RBSN: variants seen among roughly 807,000 people sequenced by gnomAD.
RBSN encodes rabenosyn, RAB effector, also known as rabenosyn-5.
In RBSN, 34 loss-of-function variants were observed where a neutral mutation model predicts 60.5. The observed-to-expected ratio is 0.56, with a 90% confidence interval of 0.43 to 0.75. RBSN has a LOEUF of 0.75. RBSN is among the 30% of genes least tolerant of loss of function. The pLI, the probability that RBSN is intolerant of heterozygous loss-of-function variation, is 0.00. For synonymous variants in RBSN, 322 were observed against 366.9 expected, an observed-to-expected ratio of 0.88 and a Z score of 1.40; for missense variants, 845 against 986.8, an observed-to-expected ratio of 0.86 and a Z score of 1.92.
intron 13 of RBSN, chr3:15,075,155 C>T (rs2043022766): frequency 3.3e-6 from 2 of 613,224 alleles, no homozygotes; most frequent in African/African-American, 3.7e-5. Context: ...TAAGTTAGGG[C>T]ATCAGATTTT....
chr3:15,090,306 A>C (rs2043477463), intron 5 of RBSN, 93 bp downstream of exon 5: 1 of 1,388,438 alleles, frequency 7.2e-7, no homozygotes, highest in Admixed American at 2.1e-5. Context: ...ATTATGGTTT[A>C]CTGATGCCTC....
chr3:15,091,910 T>TC (rs2043526763), intron 4 of RBSN, among the ~76,000 whole-genome samples: 1 of 152,224 alleles, frequency 6.6e-6, no homozygotes, highest in Admixed American at 6.5e-5. Context: ...TCTAAGACGC[T>TC]CTCTCATGAA....
chr3:15,087,711 C>T (rs183788553), intron 5 of RBSN, among the ~76,000 whole-genome samples: 1 of 152,126 alleles, frequency 6.6e-6, no homozygotes, highest in East Asian at 1.9e-4. Context: ...ATCTCCACCT[C>T]CCAGGTTCAA....
At position 15,084,673 on chromosome 3, in the gene RBSN, T is replaced by C; in HGVS notation, c.598+62A>G. On this transcript the variant is annotated intron_variant, in intron 8 of 13. Transcript: ENST00000253699. This position sits in a 1 kb window ranked among gnomAD's most constrained non-coding sequence, Gnocchi z 4.2. ...AAGGTTCCACGATCCCAGTGGTAATTAGCAAATAAGCTAGGCCCAAAAGAA... is the reference window on the plus strand; with the variant it reads ...AAGGTTCCACGATCCCAGTGGTAATCAGCAAATAAGCTAGGCCCAAAAGAA... The C allele has an allele frequency of 6.6e-7, 1 of 1,508,708 alleles. No individual in the cohort carries two copies. The highest frequency in any genetic ancestry group is 8.9e-7 in the Non-Finnish European group (1 of 1,127,056). The allele number at this position is 1,508,708 out of a possible 1,614,324, so 93.5% of individuals were successfully genotyped here.
intron 10 of RBSN, among the ~76,000 whole-genome samples, chr3:15,078,787 T>TAC (rs2043127257): frequency 4.6e-5 from 2 of 43,344 alleles, no homozygotes; most frequent in African/African-American, 1.6e-4. Flanking sequence ...TACATATATA[T>TAC]ATATATATAT....
Position 15,082,381 on chromosome 3 carries a change from C to T in RBSN, c.826G>A (p.Val276Met), listed in dbSNP as rs141675556. 5.6e-6 allele frequency: 9 copies of T among 1,612,740 alleles called. No individual in the cohort carries two copies. Among genetic ancestry groups the T allele is most frequent in the Admixed American group, 5.0e-5 (3 of 60,000 alleles). Residue 276 changes from valine (V) to methionine (M), a missense_variant, in exon 9 of 14, where the codon GTG becomes ATG. Coordinates refer to ENST00000253699, the MANE Select transcript of RBSN (RefSeq NM_022340.4). The surrounding 1 kb of genome is among the most constrained non-coding windows in gnomAD (Gnocchi z 4.2). Reference sequence around the variant, plus strand: ...GCGCGAATCACCTCGTAGAGCTTCACGATGTCAGGTGTGTGCTCCTTCTCA... The same window carrying T: ...GCGCGAATCACCTCGTAGAGCTTCATGATGTCAGGTGTGTGCTCCTTCTCA... ...IDEKEHTPDI[V>M]KLYEKLRLCM...
chr3:15,079,081 C>T (rs936757150), intron 10 of RBSN, among the ~76,000 whole-genome samples: 1 of 151,950 alleles, frequency 6.6e-6, no homozygotes, highest in Admixed American at 6.6e-5. Flanking sequence ...GAAAAAGCAA[C>T]GATCTTAAGC....
chr3:15,098,946 CCCA>C (rs1281106898), intron 1 of RBSN, 86 bp downstream of exon 1: 1 of 153,006 alleles, frequency 6.5e-6, no homozygotes, highest in African/African-American at 2.4e-5. Context: ...TCACGTCACA[CCCA>C]CCACAACCAC....
Position 15,077,284 on chromosome 3 carries a change from G to C in RBSN, c.999-120C>G, listed in dbSNP as rs578206233. On this transcript the variant is annotated intron_variant, in intron 11 of 13. Coordinates refer to ENST00000253699, the MANE Select transcript of RBSN (RefSeq NM_022340.4). This position sits in a 1 kb window ranked among gnomAD's most constrained non-coding sequence, Gnocchi z 4.4. Reference sequence around the variant, plus strand: ...CAGGAAGGTGTGTAAAGATGGACAAGTGACTCCATTGAAGTTTCTTTGAAG... The same window carrying C: ...CAGGAAGGTGTGTAAAGATGGACAACTGACTCCATTGAAGTTTCTTTGAAG... 2.4e-6 allele frequency: 2 copies of C among 827,578 alleles called. No individual in the cohort carries two copies. The highest frequency in any genetic ancestry group is 2.1e-5 in the Admixed American group (1 of 47,438). The allele number at this position is 827,578 out of a possible 1,614,324, so 51.3% of individuals were successfully genotyped here.
chr3:15,087,143 TTCA>T (rs1333593322), intron 5 of RBSN, among the ~76,000 whole-genome samples: 1 of 152,236 alleles, frequency 6.6e-6, no homozygotes, highest in Non-Finnish European at 1.5e-5. Context: ...TATGCATTAC[TTCA>T]TATACTTACC....
At chr3:15,097,183 A>G in intron 2 of RBSN, among the ~76,000 whole-genome samples, 1 of 152,134 alleles carries the variant, frequency 6.6e-6, no homozygotes, top group East Asian at 1.9e-4. Context: ...CCATTAAGTG[A>G]CAGTTAAGTA....
chr3:15,090,257 C>A, intron 5 of RBSN, 142 bp downstream of exon 5: 1 of 866,360 alleles, frequency 1.2e-6, no homozygotes, highest in Non-Finnish European at 1.7e-6. Flanking sequence ...CCATTTTCTT[C>A]CCCCAGCAAG....
In RBSN at chr3:15,074,414, G is replaced by C. The variant is rs1289209590; in HGVS notation, c.1723C>G (p.Leu575Val). The C allele has an allele frequency of 6.2e-7, 1 of 1,614,180 alleles. No individual in the cohort carries two copies. The highest frequency in any genetic ancestry group is 8.5e-7 in the Non-Finnish European group (1 of 1,180,034). Residue 575 changes from leucine to valine, a missense_variant, in exon 14 of 14, where the codon CTA becomes GTA. Coordinates refer to ENST00000253699, the MANE Select transcript of RBSN (RefSeq NM_022340.4). This position sits in a 1 kb window ranked among gnomAD's most constrained non-coding sequence, Gnocchi z 6.4. Reference protein sequence around the residue: ...PRTHLAYALDLGSSPVPSSTA... With the variant: ...PRTHLAYALDVGSSPVPSSTA... ...CTGCTTGGAACTGGGGAAGAGCCTA[G>C]ATCCAAAGCATAAGCAAGGTGGGTG...
rs1480825311 is a variant in RBSN, at chr3:15,094,199, T to C, written c.148+1774A>G. On this transcript the variant is annotated intron_variant, in intron 4 of 13. Coordinates refer to ENST00000253699, the MANE Select transcript of RBSN (RefSeq NM_022340.4). ...ATCACCAGGTTGAGCAATGGCATTG[T>C]ATAGGACTTAGTTCAGCTGACACCA... Among the ~76,000 whole-genome samples, 3 of 152,234 alleles carry C rather than the reference T, an allele frequency of 2.0e-5. No homozygotes were observed. The East Asian group carries it at 5.8e-4, about 29-fold the overall frequency.
At chr3:15,083,396 C>A (rs901414275) in intron 8 of RBSN, among the ~76,000 whole-genome samples, 1 of 152,178 alleles carries the variant, frequency 6.6e-6, no homozygotes, top group Non-Finnish European at 1.5e-5. Flanking sequence ...GTCAGCAGAA[C>A]TCTCTAGTGT....
intron 4 of RBSN, among the ~76,000 whole-genome samples, chr3:15,095,024 T>TTGTG (rs752017388): frequency 6.1e-5 from 9 of 146,532 alleles, no homozygotes; most frequent in Admixed American, 3.4e-4. Context: ...GTGTGTGTGT[T>TTGTG]TGTGTGTGTG....
chr3:15,087,239 G>A (rs1274243508), intron 5 of RBSN, among the ~76,000 whole-genome samples: 1 of 152,120 alleles, frequency 6.6e-6, no homozygotes, highest in African/African-American at 2.4e-5. Context: ...ATCAGGCCAG[G>A]TGCGGTGGCT....
chr3:15,092,387 A>C (rs1388914975), intron 4 of RBSN, among the ~76,000 whole-genome samples: 1 of 151,772 alleles, frequency 6.6e-6, no homozygotes, highest in Non-Finnish European at 1.5e-5. Context: ...AATGCACTAA[A>C]GTGGGTTTTT....
intron 10 of RBSN, among the ~76,000 whole-genome samples, chr3:15,080,372 T>C (rs901062061): frequency 6.8e-6 from 1 of 148,098 alleles, no homozygotes; most frequent in Non-Finnish European, 1.5e-5. Flanking sequence ...AAGTGGCATC[T>C]ACCCAGACAT....
Sources: allele counts gnomAD v4.1 joint callset (sites outside exome capture counted in the v4.1 genomes callset), GRCh38; gene constraint gnomAD v4.1.1; non-coding constraint Gnocchi (gnomAD v3.1); transcripts MANE v1.5; gene names NCBI Gene and HGNC (gene_info 2026-07-23, HGNC 2026-07-21).